Variants in B4GALNT3 observed in about 807,000 individuals in gnomAD.
The protein encoded by B4GALNT3 is beta-1,4-N-acetyl-galactosaminyltransferase 3, also known as beta-1,4-N-acetylgalactosaminyltransferase 3.
A neutral mutation model predicts 120.2 loss-of-function variants in B4GALNT3; 86 were observed. The observed-to-expected ratio is 0.72, with a 90% CI of 0.60 to 0.86. The LOEUF is 0.86. B4GALNT3 is among the 40% of genes least tolerant of loss of function. B4GALNT3 has a pLI of 0.00. For missense variants in B4GALNT3, 1,167 were observed against 1,298.9 expected, an observed-to-expected ratio of 0.90 and a Z score of 1.56; for synonymous variants, 518 against 510.4, an observed-to-expected ratio of 1.01 and a Z score of -0.20.
chr12:472,586 C>T (rs558918936), intron 1 of B4GALNT3, among the ~76,000 whole-genome samples: 8 of 152,286 alleles, frequency 5.3e-5, no homozygotes, highest in South Asian at 2.1e-4. Context: ...TACAGGTGCC[C>T]GCCACCACGC....
intron 19 of B4GALNT3, 33 bp downstream of exon 19, chr12:559,454 T>C (rs748370841): frequency 5.0e-5 from 81 of 1,609,496 alleles, no homozygotes; most frequent in Non-Finnish European, 6.7e-5. Context: ...CCACGAGGCC[T>C]GGGAATTCCA....
At position 558,629 on chromosome 12, in the gene B4GALNT3, T is replaced by C; in HGVS notation, c.2729T>C (p.Leu910Pro). The change falls in exon 18 of 20, where the codon CTG becomes CCG. Residue 910 changes from leucine (L) to proline (P), a missense_variant. By Grantham distance (98) the Leu-to-Pro change is moderately conservative. Transcript: ENST00000266383. ...KMAFAPMVMR[L>P]HCGATPQWPE... ...GCCTTTGCCCCCATGGTGATGAGGC[T>C]GCATTGTGGGGCCACCCCCCAGTGG... is the stretch of plus-strand genomic sequence containing the variant. The C allele has an allele frequency of 6.2e-7, 1 of 1,614,030 alleles. No homozygotes were observed. Among genetic ancestry groups the C allele is most frequent in the Non-Finnish European group, 8.5e-7 (1 of 1,179,982 alleles).
chr12:531,957 A>G (rs1946812272), intron 1 of B4GALNT3, among the ~76,000 whole-genome samples: 1 of 115,126 alleles, frequency 8.7e-6, no homozygotes, highest in African/African-American at 3.2e-5. Context: ...TTAGATCTTT[A>G]TTTTTTATTA....
At chr12:473,516 G>T (rs189122059) in intron 1 of B4GALNT3, among the ~76,000 whole-genome samples, 2 of 152,304 alleles carry the variant, frequency 1.3e-5, no homozygotes, top group South Asian at 4.2e-4. Context: ...GGTTTCATAC[G>T]TGGGTCTCTG....
At chr12:504,963 T>C (rs952504893) in intron 1 of B4GALNT3, among the ~76,000 whole-genome samples, 6 of 152,002 alleles carry the variant, frequency 3.9e-5, no homozygotes, top group South Asian at 2.1e-4. Context: ...CGATCTCGGC[T>C]CACTGCAACC....
chr12:472,809 T>C lies in B4GALNT3; in HGVS notation c.169+12264T>C, dbSNP rs147000254. On this transcript the variant is annotated intron_variant, in intron 1 of 19. Transcript: ENST00000266383. Reference sequence around the variant, plus strand: ...ATGTTGCCTAGGCTGGTTCAAACTCTTGGACTCAAGCAATATTTTTGCGTC... The same window carrying C: ...ATGTTGCCTAGGCTGGTTCAAACTCCTGGACTCAAGCAATATTTTTGCGTC... Among the ~76,000 whole-genome samples, 1,014 of 152,294 alleles carry C rather than the reference T, an allele frequency of 6.7e-3. 13 individuals are homozygous for C. The highest frequency in any genetic ancestry group is 0.023 in the African/African-American group (974 of 41,562).
intron 1 of B4GALNT3, among the ~76,000 whole-genome samples, chr12:483,512 C>CA (rs1466662140): frequency 6.6e-6 from 1 of 152,162 alleles, no homozygotes; most frequent in African/African-American, 2.4e-5. Context: ...GCCTGAGCAA[C>CA]ATGGTGAAAC....
At chr12:499,423 C>T (rs55882507) in intron 1 of B4GALNT3, among the ~76,000 whole-genome samples, 1 of 150,106 alleles carries the variant, frequency 6.7e-6, no homozygotes, top group Non-Finnish European at 1.5e-5. Context: ...GGAGCCCGTG[C>T]TCTCACTATC....
rs560213300 is a variant in B4GALNT3, at chr12:521,141, C to T, written c.170-14025C>T. Reference sequence around the variant, plus strand: ...TTTTCACAGGGAAGATTCAGAACATCGCCCTCTCCCCACCCCTGAGTCTAA... The same window carrying T: ...TTTTCACAGGGAAGATTCAGAACATTGCCCTCTCCCCACCCCTGAGTCTAA... On this transcript the variant is annotated intron_variant, in intron 1 of 19. Transcript: ENST00000266383. 1.8e-4 allele frequency among the ~76,000 whole-genome samples: 28 copies of T among 152,260 alleles called. No homozygotes were observed. The East Asian group carries it at 4.0e-3, about 22-fold the overall frequency.
chr12:534,335 A>G (rs1402987809), intron 1 of B4GALNT3, among the ~76,000 whole-genome samples: 1 of 152,120 alleles, frequency 6.6e-6, no homozygotes, highest in Non-Finnish European at 1.5e-5. Context: ...AAGCCCAGCA[A>G]TCTCCTCTGA....
intron 1 of B4GALNT3, among the ~76,000 whole-genome samples, chr12:474,379 C>T (rs751242592): frequency 6.6e-6 from 1 of 152,212 alleles, no homozygotes; most frequent in Admixed American, 6.5e-5. Context: ...CATTAGTACA[C>T]TTATCAACCT....
Position 536,404 on chromosome 12 carries a change from T to C in B4GALNT3, c.351+109T>C, listed in dbSNP as rs569503057. ...TCTACTAGGGACCTTCTACCGTACC[T>C]ACTCTTTGAGAGAGCTAAAAAATAA... On this transcript the variant is annotated intron_variant, in intron 3 of 19. Coordinates refer to ENST00000266383, the MANE Select transcript of B4GALNT3 (RefSeq NM_173593.4). 8.5e-6 allele frequency: 7 copies of C among 823,782 alleles called. No homozygotes were observed. In the South Asian group the frequency reaches 9.8e-5, roughly 11 times the overall value. The allele number at this position is 823,782 out of a possible 1,614,324, so 51.0% of individuals were successfully genotyped here.
At chr12:482,690 C>T (rs1946253353) in intron 1 of B4GALNT3, among the ~76,000 whole-genome samples, 1 of 152,086 alleles carries the variant, frequency 6.6e-6, no homozygotes, top group Admixed American at 6.5e-5. Context: ...GGCTTCAAAA[C>T]GTGTCTGTTT....
At position 534,532 on chromosome 12, in the gene B4GALNT3, A is replaced by T. The variant is rs141810806; in HGVS notation, c.170-634A>T. On this transcript the variant is annotated intron_variant, in intron 1 of 19. Transcript: ENST00000266383. ...TGCCTTCCCAGGTGCGTGTAAGCCAACCTGGTCCAGAGCCTTCAGGGTACA... is the reference window on the plus strand; with the variant it reads ...TGCCTTCCCAGGTGCGTGTAAGCCATCCTGGTCCAGAGCCTTCAGGGTACA... 3.9e-3 allele frequency among the ~76,000 whole-genome samples: 597 copies of T among 152,138 alleles called. 4 individuals are homozygous for T. Among genetic ancestry groups the T allele is most frequent in the African/African-American group, 0.014 (565 of 41,492 alleles).
intron 1 of B4GALNT3, among the ~76,000 whole-genome samples, chr12:520,666 A>G (rs533786902): frequency 1.5e-5 from 1 of 66,952 alleles, no homozygotes; most frequent in African/African-American, 6.3e-5. Flanking sequence ...TATCTGAACT[A>G]AAGTAGGTAT....
chr12:531,253 G>T (rs1303923501), intron 1 of B4GALNT3, among the ~76,000 whole-genome samples: 1 of 151,898 alleles, frequency 6.6e-6, no homozygotes, highest in Non-Finnish European at 1.5e-5. Flanking sequence ...GCGGGAGGGT[G>T]GGGGGCAAAG....
chr12:470,874 G>C (rs1946129806), intron 1 of B4GALNT3, among the ~76,000 whole-genome samples: 1 of 151,990 alleles, frequency 6.6e-6, no homozygotes, highest in South Asian at 2.1e-4. Flanking sequence ...GAGTAGCTGG[G>C]ATTACAGGCA....
chr12:462,340 C>T, intron 1 of B4GALNT3, among the ~76,000 whole-genome samples: 1 of 149,944 alleles, frequency 6.7e-6, no homozygotes, highest in Non-Finnish European at 1.5e-5. Flanking sequence ...CTCCCTTTCT[C>T]CCTCTCCTCA....
At chr12:540,128 G>A (rs981667290) in intron 3 of B4GALNT3, among the ~76,000 whole-genome samples, 1 of 152,154 alleles carries the variant, frequency 6.6e-6, no homozygotes, top group Non-Finnish European at 1.5e-5. Flanking sequence ...GGAAGCAGAG[G>A]GCCAGTCAGC....
Sources: gnomAD v4.1 joint callset for allele counts (sites outside exome capture counted in the v4.1 genomes callset) on GRCh38, gnomAD v4.1.1 for gene constraint, MANE v1.5 for transcripts, NCBI Gene and HGNC (gene_info 2026-07-23, HGNC 2026-07-21) for gene names.